Variants in NCOR1 observed in about 807,000 individuals in gnomAD.
NCOR1 encodes protein phosphatase 1, regulatory subunit 109.
Under a neutral mutation model 288.1 loss-of-function variants are expected in NCOR1, and 63 were observed. That is an observed-to-expected ratio of 0.22 (90% CI 0.18 to 0.27). NCOR1 has a LOEUF of 0.27. Among genes scored for constraint, NCOR1 ranks in the 10% least tolerant of loss-of-function variants. NCOR1 has a pLI of 1.00. For missense variants in NCOR1, 2,397 were observed against 3,019.2 expected (o/e 0.79, Z 4.83); for synonymous variants, 1,007 against 1,065.9 (o/e 0.94, Z 1.08).
chr17:16,050,421 C>T (rs776530737), intron 40 of NCOR1, among the ~76,000 whole-genome samples: 1 of 151,996 alleles, frequency 6.6e-6, no homozygotes, highest in African/African-American at 2.4e-5. Context: ...CGGGGATTCA[C>T]CATGTTGGCC....
chr17:16,040,521 A>T (rs2057363231), intron 42 of NCOR1, 27 bp from the exon 43 acceptor site: 2 of 1,602,632 alleles, frequency 1.2e-6, no homozygotes. Context: ...ATTCAAGTTA[A>T]TTAAGATGTG....
chr17:16,058,403 C>T, intron 38 of NCOR1, 68 bp downstream of exon 38: 1 of 1,576,050 alleles, frequency 6.3e-7, no homozygotes, highest in Non-Finnish European at 8.6e-7. Context: ...ATGGTCTAGA[C>T]AGATAATTAG....
rs2152909734 is a variant in NCOR1, at chr17:16,092,038, G to A, written c.2841C>T (p.Asn947=). 6.2e-7 allele frequency: 1 copy of A among 1,614,032 alleles called. No homozygotes were observed. Among genetic ancestry groups the A allele is most frequent in the East Asian group, 2.2e-5 (1 of 44,892 alleles). ...CGCTCACTGGGGTTCCAATTGGTAT[G>A]TTACATGGGGTGCAGGATACCTATA... ...IPPMVSCTPC[N]IPIGTPVSGY... Residue 947 remains asparagine (N), a synonymous_variant, in exon 22 of 46, where the codon AAC becomes AAT. Coordinates refer to ENST00000268712, the MANE Select transcript of NCOR1 (RefSeq NM_006311.4).
chr17:16,121,349 C>A, intron 15 of NCOR1, 80 bp from the exon 16 acceptor site: 4 of 1,166,026 alleles, frequency 3.4e-6, no homozygotes, highest in South Asian at 1.8e-5. Context: ...TGAATATTAT[C>A]TAAATAGAAA....
chr17:16,146,006 G>A (rs992681469), intron 10 of NCOR1, among the ~76,000 whole-genome samples: 5 of 152,044 alleles, frequency 3.3e-5, no homozygotes, highest in African/African-American at 7.2e-5. Context: ...CCCCAACCCC[G>A]TGCTCTCTGA....
In NCOR1 at chr17:16,073,541, C is replaced by T. The variant is rs2152750820; in HGVS notation, c.3699G>A (p.Arg1233=). Residue 1233 remains arginine (R), a synonymous_variant, in exon 28 of 46, where the codon AGG becomes AGA. Transcript: ENST00000268712. ...TGATTTCATGAGCTGTTCTTGGACT[C>T]CTAGTCCCTTCTCGGGCATTCTTAA... ...DNIKNAREGT[R]SPRTAHEISL... The T allele has an allele frequency of 6.2e-7, 1 of 1,609,186 alleles. No homozygotes were observed. The highest frequency in any genetic ancestry group is 1.1e-5 in the South Asian group (1 of 90,156).
intron 14 of NCOR1, among the ~76,000 whole-genome samples, chr17:16,136,990 A>C (rs147329909): frequency 1.7e-3 from 258 of 152,212 alleles, no homozygotes; most frequent in African/African-American, 5.9e-3. Context: ...GGCTAAAGAT[A>C]GTGTATTAAA....
intron 18 of NCOR1, among the ~76,000 whole-genome samples, chr17:16,112,553 T>C (rs1438210096): frequency 3.3e-5 from 5 of 152,210 alleles, no homozygotes; most frequent in Admixed American, 3.3e-4. Context: ...TGGAGTACAG[T>C]GGCGCGATCT....
chr17:16,087,354 G>T (rs1475870253), intron 22 of NCOR1: 1 of 1,302,604 alleles, frequency 7.7e-7, no homozygotes, highest in African/African-American at 1.5e-5. Context: ...TCCTATGAAA[G>T]TTAAAGTTAT....
At chr17:16,200,196 A>G (rs527732444) in intron 1 of NCOR1, among the ~76,000 whole-genome samples, 4 of 152,232 alleles carry the variant, frequency 2.6e-5, no homozygotes, top group South Asian at 4.1e-4. Context: ...TTGGAAAAAA[A>G]GCTAAAAATG....
chr17:16,091,439 C>T (rs1020675436), intron 22 of NCOR1: 10 of 511,094 alleles, frequency 2.0e-5, no homozygotes, highest in Admixed American at 1.1e-4. Flanking sequence ...GCTTAGCCAG[C>T]GTCTGATTGG....
intron 16 of NCOR1, among the ~76,000 whole-genome samples, chr17:16,120,434 T>C (rs760574563): frequency 2.0e-5 from 3 of 152,066 alleles, no homozygotes; most frequent in Non-Finnish European, 4.4e-5. Flanking sequence ...AGTGCCCCTA[T>C]CTCATTCTTG....
Position 16,046,929 on chromosome 17 carries a change from TCATGAAAGAAATCC to T in NCOR1, c.6679+8_6679+21del, listed in dbSNP as rs766101911. 2.5e-6 allele frequency: 4 copies of T among 1,611,296 alleles called. No homozygotes were observed. The highest frequency in any genetic ancestry group is 3.4e-6 in the Non-Finnish European group (4 of 1,178,992). ...TATTAATGCATGTTTTATTTGGGGT[TCATGAAAGAAATCC>T]CACTTACCCATATCAGAGTCACCTC... On this transcript the variant is annotated splice_region_variant and intron_variant, in intron 42 of 45. Coordinates refer to ENST00000268712, the MANE Select transcript of NCOR1 (RefSeq NM_006311.4).
chr17:16,159,888 G>A (rs867115710), intron 5 of NCOR1, among the ~76,000 whole-genome samples: 1 of 151,330 alleles, frequency 6.6e-6, no homozygotes, highest in African/African-American at 2.4e-5. Flanking sequence ...ACCAAGGCTG[G>A]AGTGCAATGG....
In NCOR1 at chr17:16,138,174, G is replaced by A; in HGVS notation, c.1391C>T (p.Ser464Leu). The change falls in exon 13 of 46, where the codon TCA becomes TTA. Residue 464 changes from serine to leucine, a missense_variant. Transcript: ENST00000268712. The part of the protein sequence containing the change: ...QHPKNFGLIA[S>L]YLERKSVPDC... ...ATGTCTTACCTTCCTCTCCAAGTATGATGCAATTAGTCCAAAGTTTTTTGG... is the reference window on the plus strand; with the variant it reads ...ATGTCTTACCTTCCTCTCCAAGTATAATGCAATTAGTCCAAAGTTTTTTGG... The A allele has an allele frequency of 6.2e-7, 1 of 1,612,922 alleles. No homozygotes were observed. Among genetic ancestry groups the A allele is most frequent in the Non-Finnish European group, 8.5e-7 (1 of 1,179,192 alleles).
rs1486285669 is a variant in NCOR1 at position 16,071,482 on chromosome 17, A to G, written c.4079T>C (p.Leu1360Ser). ...SIHEIPRQDI[L>S]TQESRKTPEV... ...TGGAGTTTTCCGACTTTCCTGAGTT[A>G]AAATATCTTGCCTTGGAATCTCATG... is the stretch of plus-strand genomic sequence containing the variant. Residue 1360 changes from leucine to serine, a missense_variant, in exon 30 of 46, where the codon TTA (leucine) becomes TCA (serine). This residue lies in a region of NCOR1 where 1,872 missense variants were observed against 2,187.8 expected (regional missense o/e 0.86). Transcript: ENST00000268712. 1.9e-6 allele frequency: 3 copies of G among 1,614,058 alleles called. No individual in the cohort carries two copies. The African/African-American group carries it at 4.0e-5, about 22-fold the overall frequency.
At chr17:16,072,648 T>C (rs1223485356) in intron 28 of NCOR1, among the ~76,000 whole-genome samples, 2 of 152,316 alleles carry the variant, frequency 1.3e-5, no homozygotes, top group East Asian at 3.9e-4. Flanking sequence ...ACGAAAGAGT[T>C]GTAAATAACC....
chr17:16,098,616 C>A, intron 20 of NCOR1, 120 bp from the exon 21 acceptor site: 1 of 776,458 alleles, frequency 1.3e-6, no homozygotes, highest in Non-Finnish European at 2.0e-6. Flanking sequence ...CACATGGACA[C>A]ACATATATTA....
At position 16,032,045 on chromosome 17, in the gene NCOR1, T is replaced by C. The variant is rs576498237; in HGVS notation, c.*251A>G. On this transcript the variant is annotated 3_prime_UTR_variant, in exon 46 of 46. Coordinates refer to ENST00000268712, the MANE Select transcript of NCOR1 (RefSeq NM_006311.4). ...GCAACTGTTCACTTTTTAAAAACTC[T>C]ACATCTCAACCCTCCACTATTATTA... 2.2e-6 allele frequency: 1 copy of C among 446,246 alleles called. No individual in the cohort carries two copies. The highest frequency in any genetic ancestry group is 4.1e-5 in the East Asian group (1 of 24,418). 27.6% of individuals were successfully genotyped at this position (446,246 alleles called of 1,614,324 possible).
Sources: allele counts gnomAD v4.1 joint callset (sites outside exome capture counted in the v4.1 genomes callset), GRCh38; gene constraint gnomAD v4.1.1; regional missense constraint gnomAD v4.1.1; transcripts MANE v1.5; gene names NCBI Gene and HGNC (gene_info 2026-07-23, HGNC 2026-07-21).